Variants in RFX7 observed in about 807,000 individuals in gnomAD.
RFX7 encodes the protein regulatory factor X7.
Under a neutral mutation model 111.8 loss-of-function variants are expected in RFX7, and 26 were observed. The ratio of observed to expected loss-of-function variants is 0.23; its 90% CI spans 0.17 to 0.32. The LOEUF (loss-of-function observed/expected upper bound fraction) is 0.32, where lower values mean the gene tolerates loss of function less well. Among genes scored for constraint, RFX7 ranks in the 10% least tolerant of loss-of-function variants. RFX7 has a pLI of 1.00. For synonymous variants in RFX7, 624 were observed against 624.4 expected, an observed-to-expected ratio of 1.00 and a Z score of 0.01; for missense variants, 1,573 against 1,772.9, an observed-to-expected ratio of 0.89 and a Z score of 2.02.
rs2041705361 is a variant in RFX7 at position 56,098,082 on chromosome 15, G to A, written c.1106C>T (p.Pro369Leu). The change falls in exon 9 of 10, where the codon CCG becomes CTG. Residue 369 changes from proline to leucine, a missense_variant and splice_region_variant. By Grantham distance (98) the Pro-to-Leu change is moderately conservative (BLOSUM62 -3). Coordinates refer to ENST00000559447, the MANE Select transcript of RFX7 (RefSeq NM_022841.7). ...CCAAATACTATTTAATTATATTACC[G>A]GAATGGGACTAGGGACAGCTGCCAC... is the stretch of plus-strand genomic sequence containing the variant. The part of the protein sequence containing the change: ...IVVAAVPSPI[P>L]VQRTRQLVTS... The A allele has an allele frequency of 1.9e-6, 3 of 1,612,228 alleles. No homozygotes were observed. The highest frequency in any genetic ancestry group is 2.5e-6 in the Non-Finnish European group (3 of 1,178,926).
At chr15:56,143,664 CAAAG>C (rs1464894043) in intron 4 of RFX7, among the ~76,000 whole-genome samples, 7 of 151,884 alleles carry the variant, frequency 4.6e-5, no homozygotes, top group Non-Finnish European at 1.0e-4. Context: ...TATTTAATTT[CAAAG>C]AAAACACTGA....
At chr15:56,191,168 C>T (rs2043097258) in intron 2 of RFX7, among the ~76,000 whole-genome samples, 1 of 152,188 alleles carries the variant, frequency 6.6e-6, no homozygotes, top group Non-Finnish European at 1.5e-5. Flanking sequence ...TTCTCTCTGA[C>T]AGGCAATGAG....
chr15:56,133,519 C>T (rs1407942250), intron 5 of RFX7, among the ~76,000 whole-genome samples: 1 of 152,038 alleles, frequency 6.6e-6, no homozygotes, highest in Non-Finnish European at 1.5e-5. Context: ...ATTGAGAACA[C>T]AGAATGATCA....
chr15:56,096,710 A>G, intron 9 of RFX7, 90 bp from the exon 10 acceptor site: 1 of 1,358,276 alleles, frequency 7.4e-7, no homozygotes, highest in Non-Finnish European at 9.7e-7. Flanking sequence ...GTCATTTATT[A>G]AATGTTAATG....
chr15:56,210,142 T>C (rs2043297340), intron 2 of RFX7, among the ~76,000 whole-genome samples: 2 of 152,038 alleles, frequency 1.3e-5, no homozygotes, highest in Admixed American at 1.3e-4. Context: ...TGGAAAAAGA[T>C]ATGTCATGCT....
upstream of RFX7, among the ~76,000 whole-genome samples, chr15:56,244,796 TC>T (rs1440339692): frequency 8.2e-6 from 1 of 121,426 alleles, no homozygotes; most frequent in Non-Finnish European, 1.8e-5. Flanking sequence ...ACACCCGCCC[TC>T]CCCCCGCAGA....
chr15:56,151,401 T>A (rs1389225707), intron 3 of RFX7, among the ~76,000 whole-genome samples: 1 of 152,198 alleles, frequency 6.6e-6, no homozygotes, highest in Admixed American at 6.5e-5. Flanking sequence ...TGGGAGCCAA[T>A]ATTCAACATT....
chr15:56,113,737 A>G (rs1315976870), intron 5 of RFX7, among the ~76,000 whole-genome samples: 1 of 152,058 alleles, frequency 6.6e-6, no homozygotes, highest in African/African-American at 2.4e-5. Flanking sequence ...TTTTTTCCTA[A>G]TATTTATAAA....
chr15:56,197,902 A>G (rs2043160306), intron 2 of RFX7, among the ~76,000 whole-genome samples: 1 of 152,150 alleles, frequency 6.6e-6, no homozygotes, highest in Non-Finnish European at 1.5e-5. Context: ...TCTCTCCCCC[A>G]GGATGAGAAT....
intron 5 of RFX7, among the ~76,000 whole-genome samples, chr15:56,137,852 C>T (rs1187958558): frequency 6.6e-5 from 10 of 152,174 alleles, no homozygotes; most frequent in African/African-American, 2.2e-4. Context: ...ATCTTTATTT[C>T]TGCCTTCATT....
At chr15:56,170,433 G>A (rs1246064911) in intron 3 of RFX7, among the ~76,000 whole-genome samples, 10 of 152,050 alleles carry the variant, frequency 6.6e-5, no homozygotes, top group Non-Finnish European at 1.3e-4. Flanking sequence ...TCTGTTATGG[G>A]GGCGGGGGAC....
chr15:56,167,753 T>G lies in RFX7; in HGVS notation c.195+11517A>C. 2.0e-5 allele frequency among the ~76,000 whole-genome samples: 3 copies of G among 152,218 alleles called. No homozygotes were observed. The South Asian group carries it at 6.2e-4, about 32-fold the overall frequency. On this transcript the variant is annotated intron_variant, in intron 3 of 9. Coordinates refer to ENST00000559447, the MANE Select transcript of RFX7 (RefSeq NM_022841.7). ...TAGCTTTAAAACTAGAAAAGTACTT[T>G]ATATTTTTTACTTCTAGTAGATTTC...
chr15:56,095,223 T>C lies in RFX7; in HGVS notation c.2505A>G (p.Leu835=), dbSNP rs34255389. 5.8e-4 allele frequency: 942 copies of C among 1,613,864 alleles called. 4 individuals carry two copies. The African/African-American group carries it at 0.011, about 20-fold the overall frequency. The part of the protein sequence containing the change: ...GMPQDTYSQQ[L]HSQIQESSLN... ...AAGAAGATTCCTGTATCTGGCTATGTAGCTGCTGGCTATATGTGTCCTGTG... is the reference window on the plus strand; with the variant it reads ...AAGAAGATTCCTGTATCTGGCTATGCAGCTGCTGGCTATATGTGTCCTGTG... The change falls in exon 10 of 10, where the codon CTA becomes CTG. Residue 835 remains leucine, a synonymous_variant. Coordinates refer to ENST00000559447, the MANE Select transcript of RFX7 (RefSeq NM_022841.7).
intron 2 of RFX7, among the ~76,000 whole-genome samples, chr15:56,239,440 TTG>T (rs1327132052): frequency 9.2e-5 from 14 of 152,050 alleles, no homozygotes; most frequent in African/African-American, 3.1e-4. Flanking sequence ...GGCTAATTTT[TTG>T]TATTTTTAGT....
intron 2 of RFX7, among the ~76,000 whole-genome samples, chr15:56,223,556 C>G (rs572459127): frequency 1.3e-5 from 2 of 152,122 alleles, no homozygotes; most frequent in African/African-American, 4.8e-5. Context: ...GTTTAACACC[C>G]ATTACCCCAT....
intron 5 of RFX7, among the ~76,000 whole-genome samples, chr15:56,122,200 G>A (rs558535588): frequency 3.3e-5 from 5 of 152,212 alleles, no homozygotes; most frequent in African/African-American, 1.2e-4. Context: ...CTTTTGTGCC[G>A]TGATCTGTTT....
intron 2 of RFX7, among the ~76,000 whole-genome samples, chr15:56,234,669 T>C (rs151156023): frequency 6.6e-6 from 1 of 152,318 alleles, no homozygotes; most frequent in African/African-American, 2.4e-5. Context: ...GTGACACTCA[T>C]CCAATTAAAT....
chr15:56,239,984 C>CTT (rs5812831), intron 2 of RFX7, among the ~76,000 whole-genome samples: 3,970 of 120,774 alleles, frequency 0.033, 214 homozygotes, highest in African/African-American at 0.11. Context: ...TTTGGTATTT[C>CTT]TTTTTTTTTT....
intron 3 of RFX7, among the ~76,000 whole-genome samples, chr15:56,153,222 C>T (rs1424131422): frequency 6.6e-6 from 1 of 152,200 alleles, no homozygotes; most frequent in African/African-American, 2.4e-5. Context: ...AGGCCAGCAT[C>T]ATCCTGATAC....
Sources: gnomAD v4.1 joint callset for allele counts (sites outside exome capture counted in the v4.1 genomes callset) on GRCh38, gnomAD v4.1.1 for gene constraint, MANE v1.5 for transcripts, NCBI Gene and HGNC (gene_info 2026-07-23, HGNC 2026-07-21) for gene names.